CHCHD6: variants seen among roughly 807,000 people sequenced by gnomAD.
The protein encoded by CHCHD6 is coiled-coil-helix-coiled-coil-helix domain containing 6.
In CHCHD6, 28 loss-of-function variants were observed where a neutral mutation model predicts 32.3. The observed-to-expected ratio is 0.87, with a 90% CI of 0.64 to 1.19. CHCHD6 has a LOEUF of 1.19. Ranked by LOEUF, CHCHD6 falls within the 50% of genes most tolerant of loss-of-function variation. The pLI, the probability that CHCHD6 is intolerant of heterozygous loss-of-function variation, is 0.00. For synonymous variants in CHCHD6, 122 were observed against 117.5 expected, an observed-to-expected ratio of 1.04 and a Z score of -0.25; for missense variants, 333 against 307.0, an observed-to-expected ratio of 1.08 and a Z score of -0.63.
chr3:126,844,908 C>T (rs1441520408), intron 4 of CHCHD6, among the ~76,000 whole-genome samples: 1 of 152,054 alleles, frequency 6.6e-6, no homozygotes, highest in Non-Finnish European at 1.5e-5. Context: ...GATGTGAGGC[C>T]ATGAGCCAAG....
At chr3:126,861,224 C>G (rs1941846882) in intron 5 of CHCHD6, among the ~76,000 whole-genome samples, 1 of 152,072 alleles carries the variant, frequency 6.6e-6, no homozygotes, top group African/African-American at 2.4e-5. Flanking sequence ...CCTTGCATCC[C>G]TGTCCACAGA....
chr3:126,733,048 T>C (rs371034315), intron 3 of CHCHD6, 30 bp from the exon 4 acceptor site: 3 of 1,610,646 alleles, frequency 1.9e-6, no homozygotes, highest in Non-Finnish European at 2.5e-6. Flanking sequence ...GCCATCCACA[T>C]CTGTTTCTCC....
intron 4 of CHCHD6, among the ~76,000 whole-genome samples, chr3:126,844,271 G>T (rs1941208697): frequency 6.6e-6 from 1 of 152,134 alleles, no homozygotes; most frequent in African/African-American, 2.4e-5. Flanking sequence ...TATCCTTGTT[G>T]ATTTTTTTGT....
At chr3:126,863,894 C>G (rs552782540) in intron 5 of CHCHD6, among the ~76,000 whole-genome samples, 80 of 144,708 alleles carry the variant, frequency 5.5e-4, no homozygotes, top group African/African-American at 2.0e-3. Flanking sequence ...TCCTCCTCCA[C>G]CATCAACACC....
At chr3:126,840,775 A>G (rs1203300061) in intron 4 of CHCHD6, among the ~76,000 whole-genome samples, 1 of 152,134 alleles carries the variant, frequency 6.6e-6, no homozygotes, top group African/African-American at 2.4e-5. Flanking sequence ...TATGTGTATG[A>G]TCTTATTTAA....
At chr3:126,786,830 T>G (rs1048027147) in intron 4 of CHCHD6, among the ~76,000 whole-genome samples, 1 of 152,010 alleles carries the variant, frequency 6.6e-6, no homozygotes, top group Admixed American at 6.6e-5. Context: ...TTAGTTTAAT[T>G]AGATCCCATT....
intron 4 of CHCHD6, among the ~76,000 whole-genome samples, chr3:126,747,954 T>G (rs938829043): frequency 3.3e-5 from 5 of 152,148 alleles, no homozygotes; most frequent in African/African-American, 1.2e-4. Context: ...GCCGTCCTCT[T>G]GCTGCGCTCC....
At position 126,951,192 on chromosome 3, in the gene CHCHD6, G is replaced by A. The variant is rs963434714; in HGVS notation, c.567-6224G>A. Reference sequence around the variant, plus strand: ...GCTTTGCATCTCTGTCTCACCTGCCGCCATGTAAGATGTGCCTGCTTCCCC... The same window carrying A: ...GCTTTGCATCTCTGTCTCACCTGCCACCATGTAAGATGTGCCTGCTTCCCC... On this transcript the variant is annotated intron_variant, in intron 6 of 7. Transcript: ENST00000290913. 5.9e-5 allele frequency among the ~76,000 whole-genome samples: 9 copies of A among 152,206 alleles called. No individual in the cohort carries two copies. In the South Asian group the frequency reaches 6.2e-4, roughly 11 times the overall value.
chr3:126,839,864 G>A (rs2107546183), intron 4 of CHCHD6, among the ~76,000 whole-genome samples: 1 of 152,188 alleles, frequency 6.6e-6, no homozygotes, highest in South Asian at 2.1e-4. Flanking sequence ...TTTTTAGTGT[G>A]TTCATTGAGT....
At chr3:126,851,713 C>G (rs577937941) in intron 4 of CHCHD6, among the ~76,000 whole-genome samples, 37 of 152,336 alleles carry the variant, frequency 2.4e-4, no homozygotes, top group African/African-American at 7.5e-4. Flanking sequence ...ACATGAGTAT[C>G]CCAGTGACGG....
chr3:126,771,708 G>T (rs1010755565), intron 4 of CHCHD6, among the ~76,000 whole-genome samples: 5 of 151,998 alleles, frequency 3.3e-5, no homozygotes, highest in African/African-American at 9.7e-5. Flanking sequence ...TGCTTCTCTG[G>T]TTCTTCTAGT....
At chr3:126,794,012 A>G (rs1938673431) in intron 4 of CHCHD6, among the ~76,000 whole-genome samples, 1 of 151,952 alleles carries the variant, frequency 6.6e-6, no homozygotes, top group Non-Finnish European at 1.5e-5. Context: ...TTGTACTTTC[A>G]AGGTATTTTC....
At chr3:126,804,537 C>T (rs1939256035) in intron 4 of CHCHD6, among the ~76,000 whole-genome samples, 1 of 152,282 alleles carries the variant, frequency 6.6e-6, no homozygotes, top group Non-Finnish European at 1.5e-5. Context: ...TCTGAATAGA[C>T]CAATAACAGG....
intron 6 of CHCHD6, among the ~76,000 whole-genome samples, chr3:126,929,216 C>T (rs1245654513): frequency 6.6e-6 from 1 of 152,250 alleles, no homozygotes; most frequent in Non-Finnish European, 1.5e-5. Flanking sequence ...CCTGTCTCCT[C>T]TCCACCTGCT....
Position 126,886,613 on chromosome 3 carries a change from T to A in CHCHD6, c.496-28067T>A, listed in dbSNP as rs146735509. 8.5e-5 allele frequency among the ~76,000 whole-genome samples: 13 copies of A among 152,342 alleles called. No homozygotes were observed. The East Asian group carries it at 2.5e-3, about 29-fold the overall frequency. ...CTCGTTCCCGTTCAGCCCTGCCTGC[T>A]CACTGCTTCTCAGCATATATTTCCC... On this transcript the variant is annotated intron_variant, in intron 5 of 7. Coordinates refer to ENST00000290913, the MANE Select transcript of CHCHD6 (RefSeq NM_032343.3).
At chr3:126,887,798 T>C (rs1220375158) in intron 5 of CHCHD6, among the ~76,000 whole-genome samples, 1 of 152,216 alleles carries the variant, frequency 6.6e-6, no homozygotes, top group African/African-American at 2.4e-5. Flanking sequence ...AAGCAGTCAA[T>C]GGTTCCCACC....
At chr3:126,815,113 A>G (rs1397088527) in intron 4 of CHCHD6, among the ~76,000 whole-genome samples, 1 of 152,222 alleles carries the variant, frequency 6.6e-6, no homozygotes, top group African/African-American at 2.4e-5. Flanking sequence ...TCTTAACAGA[A>G]TCTAATCCAA....
intron 5 of CHCHD6, among the ~76,000 whole-genome samples, chr3:126,903,691 A>G (rs1048339925): frequency 6.6e-6 from 1 of 152,136 alleles, no homozygotes; most frequent in Non-Finnish European, 1.5e-5. Context: ...GTGCCACCCA[A>G]CTGGACGGCC....
chr3:126,850,807 C>T (rs1022100406), intron 4 of CHCHD6, among the ~76,000 whole-genome samples: 6 of 152,262 alleles, frequency 3.9e-5, no homozygotes, highest in African/African-American at 1.4e-4. Flanking sequence ...AGTGCTGGAC[C>T]GCTGAGAGGC....
Sources: gnomAD v4.1 joint callset for allele counts (sites outside exome capture counted in the v4.1 genomes callset) on GRCh38, gnomAD v4.1.1 for gene constraint, MANE v1.5 for transcripts, NCBI Gene and HGNC (gene_info 2026-07-23, HGNC 2026-07-21) for gene names.